Variants in ZFYVE9 observed in about 807,000 individuals in gnomAD.
The protein encoded by ZFYVE9 is zinc finger FYVE-type containing 9.
A neutral mutation model predicts 126.7 loss-of-function variants in ZFYVE9; 43 were observed. The observed-to-expected ratio is 0.34, with a 90% CI of 0.27 to 0.44. The LOEUF is 0.44. Ranked by LOEUF, ZFYVE9 falls within the 20% of genes least tolerant of loss-of-function variation. The pLI, the probability that ZFYVE9 is intolerant of heterozygous loss-of-function variation, is 1.00. For synonymous variants in ZFYVE9, 521 were observed against 597.4 expected (o/e 0.87, Z 1.87); for missense variants, 1,476 against 1,697.0 (o/e 0.87, Z 2.29).
chr1:52,338,141 A>G (rs1053952345), intron 16 of ZFYVE9, among the ~76,000 whole-genome samples: 2 of 152,238 alleles, frequency 1.3e-5, no homozygotes, highest in East Asian at 3.8e-4. Context: ...TGAGGGAAGT[A>G]TAAGTAGAGG....
intron 2 of ZFYVE9, among the ~76,000 whole-genome samples, chr1:52,229,125 A>G (rs183912931): frequency 3.3e-5 from 5 of 152,176 alleles, no homozygotes; most frequent in Non-Finnish European, 2.9e-5. Flanking sequence ...ACCTCAGCCT[A>G]CCAAAGTACT....
intron 1 of ZFYVE9, among the ~76,000 whole-genome samples, chr1:52,156,994 G>T (rs1383377246): frequency 6.6e-6 from 1 of 151,952 alleles, no homozygotes; most frequent in Non-Finnish European, 1.5e-5. Flanking sequence ...CACCTCGCCC[G>T]GCTAAATTTT....
At chr1:52,331,182 C>T (rs553180700) in intron 13 of ZFYVE9, among the ~76,000 whole-genome samples, 1 of 151,894 alleles carries the variant, frequency 6.6e-6, no homozygotes, top group Non-Finnish European at 1.5e-5. Context: ...AACACTACAG[C>T]TTATAGGAGG....
intron 17 of ZFYVE9, among the ~76,000 whole-genome samples, chr1:52,341,898 T>G (rs1368102636): frequency 6.6e-6 from 1 of 152,258 alleles, no homozygotes; most frequent in Non-Finnish European, 1.5e-5. Context: ...GTGCAGAGTC[T>G]GGAACGTGTA....
At chr1:52,345,909 C>A (rs7517338) in intron 18 of ZFYVE9, 151 bp from the exon 19 acceptor site, 1 of 750,174 alleles carries the variant, frequency 1.3e-6, no homozygotes, top group Non-Finnish European at 2.0e-6. Flanking sequence ...TAAGTGATCA[C>A]CCAGAAAAGA....
intron 13 of ZFYVE9, among the ~76,000 whole-genome samples, chr1:52,330,651 T>C (rs1421092697): frequency 6.6e-6 from 1 of 152,134 alleles, no homozygotes; most frequent in Non-Finnish European, 1.5e-5. Context: ...CCTCCAGTGG[T>C]CACTTTCATC....
intron 4 of ZFYVE9, among the ~76,000 whole-genome samples, chr1:52,248,009 T>C (rs1645408111): frequency 6.6e-6 from 1 of 152,162 alleles, no homozygotes; most frequent in African/African-American, 2.4e-5. Flanking sequence ...TGTGGAGATA[T>C]ATAGATATAT....
chr1:52,289,474 C>T (rs1645896595), intron 10 of ZFYVE9, among the ~76,000 whole-genome samples: 2 of 152,128 alleles, frequency 1.3e-5, no homozygotes, highest in African/African-American at 4.8e-5. Context: ...CACTTAGAAG[C>T]AAGATTTGGT....
intron 1 of ZFYVE9, among the ~76,000 whole-genome samples, chr1:52,151,285 C>T (rs891524089): frequency 6.6e-6 from 1 of 152,052 alleles, no homozygotes; most frequent in African/African-American, 2.4e-5. Flanking sequence ...AAGTGTTTCA[C>T]ATATGTTATT....
chr1:52,293,713 A>T (rs1645947364), intron 11 of ZFYVE9, 36 bp downstream of exon 11: 1 of 1,552,992 alleles, frequency 6.4e-7, no homozygotes, highest in Admixed American at 1.7e-5. Flanking sequence ...AGGCATGATG[A>T]CTAAAATAAT....
At chr1:52,149,188 A>G (rs1644332016) in intron 1 of ZFYVE9, among the ~76,000 whole-genome samples, 1 of 151,576 alleles carries the variant, frequency 6.6e-6, no homozygotes, top group African/African-American at 2.4e-5. Context: ...GATCTTGAAC[A>G]TGTAGAATGA....
At chr1:52,185,506 T>C (rs1644756743) in intron 1 of ZFYVE9, among the ~76,000 whole-genome samples, 1 of 152,218 alleles carries the variant, frequency 6.6e-6, no homozygotes, top group African/African-American at 2.4e-5. Flanking sequence ...CTGTAGAGTA[T>C]TAGTCCCTAA....
chr1:52,284,551 C>T (rs927797992), intron 10 of ZFYVE9, among the ~76,000 whole-genome samples: 2 of 152,016 alleles, frequency 1.3e-5, no homozygotes, highest in Admixed American at 6.6e-5. Context: ...TCCCAAGTAG[C>T]TGGGACTACA....
intron 1 of ZFYVE9, chr1:52,162,654 A>G (rs1316364761): frequency 7.2e-6 from 2 of 278,454 alleles, no homozygotes; most frequent in Non-Finnish European, 1.5e-5. Context: ...ACTAAGGCCA[A>G]ACACTCTAAG....
chr1:52,324,582 C>T (rs1207663544), intron 13 of ZFYVE9, among the ~76,000 whole-genome samples: 1 of 152,184 alleles, frequency 6.6e-6, no homozygotes, highest in Admixed American at 6.5e-5. Context: ...CTAGAATTCT[C>T]CATCCCCTAG....
intron 1 of ZFYVE9, among the ~76,000 whole-genome samples, chr1:52,145,055 A>C (rs922561300): frequency 6.6e-6 from 1 of 152,226 alleles, no homozygotes; most frequent in Admixed American, 6.5e-5. Context: ...GTTACAAGGT[A>C]GGTCAGACAA....
intron 15 of ZFYVE9, chr1:52,335,213 T>C (rs1646377915): frequency 6.5e-6 from 1 of 153,890 alleles, no homozygotes; most frequent in African/African-American, 2.4e-5. Flanking sequence ...TGGCACACCG[T>C]TTATTTTCTT....
chr1:52,237,240 T>C (rs1645281387), intron 3 of ZFYVE9, among the ~76,000 whole-genome samples: 1 of 152,200 alleles, frequency 6.6e-6, no homozygotes, highest in South Asian at 2.1e-4. Context: ...GTGGGTCAGT[T>C]TAATTATGTT....
intron 1 of ZFYVE9, among the ~76,000 whole-genome samples, chr1:52,192,211 A>G (rs147185439): frequency 1.3e-5 from 2 of 152,296 alleles, no homozygotes; most frequent in Non-Finnish European, 2.9e-5. Context: ...AGAGATGGCA[A>G]TCTATCCTAT....
Sources: allele counts gnomAD v4.1 joint callset (sites outside exome capture counted in the v4.1 genomes callset), GRCh38; gene constraint gnomAD v4.1.1; transcripts MANE v1.5; gene names NCBI Gene and HGNC (gene_info 2026-07-23, HGNC 2026-07-21).